The following MCMDC2 variants were observed in gnomAD, a reference collection of about 807,000 sequenced individuals.
The protein encoded by MCMDC2 is minichromosome maintenance domain-containing protein 2.
Under a neutral mutation model 75.8 loss-of-function variants are expected in MCMDC2, and 54 were observed. The ratio of observed to expected loss-of-function variants is 0.71; its 90% CI spans 0.57 to 0.89. The LOEUF (loss-of-function observed/expected upper bound fraction) is 0.89, where lower values mean the gene tolerates loss of function less well. MCMDC2 is among the 40% of genes least tolerant of loss of function. The pLI, the probability that MCMDC2 is intolerant of heterozygous loss-of-function variation, is 0.00. For missense variants in MCMDC2, 656 were observed against 780.4 expected (o/e 0.84, Z 1.90); for synonymous variants, 249 against 274.6 (o/e 0.91, Z 0.92).
intron 9 of MCMDC2, among the ~76,000 whole-genome samples, chr8:66,890,357 C>T (rs960425906): frequency 3.7e-4 from 56 of 151,256 alleles, no homozygotes; most frequent in African/African-American, 1.3e-3. Flanking sequence ...TAAGCCATTA[C>T]GCCTGGCCAC....
rs947934795 is a variant in MCMDC2 at position 66,919,160 on chromosome 8, T to C, written c.2037T>C (p.Ser679=). The C allele has an allele frequency of 6.5e-7, 1 of 1,539,186 alleles. No individual in the cohort carries two copies. Residue 679 remains serine, a synonymous_variant, in exon 15 of 15, where the codon AGT becomes AGC. Coordinates refer to ENST00000422365, the MANE Select transcript of MCMDC2 (RefSeq NM_173518.5). Reference sequence around the variant, plus strand: ...GACCTGGGACAACTATTTTCTCTAGTGATGAATAAGCAATTTGAGGAATTT... The same window carrying C: ...GACCTGGGACAACTATTTTCTCTAGCGATGAATAAGCAATTTGAGGAATTT... ...TYGPGTTIFS[S]DE is the part of the protein sequence containing the mutation.
intron 13 of MCMDC2, among the ~76,000 whole-genome samples, chr8:66,903,502 G>A (rs2130852286): frequency 6.6e-6 from 1 of 152,196 alleles, no homozygotes; most frequent in East Asian, 1.9e-4. Flanking sequence ...TATCAGTAGG[G>A]GACTGTTTAA....
At chr8:66,875,246 C>T (rs1195875619) in intron 4 of MCMDC2, among the ~76,000 whole-genome samples, 1 of 152,026 alleles carries the variant, frequency 6.6e-6, no homozygotes, top group African/African-American at 2.4e-5. Flanking sequence ...TCCCTACATA[C>T]TTTAGTATCA....
intron 5 of MCMDC2, 127 bp from the exon 6 acceptor site, chr8:66,878,447 A>G: frequency 2.3e-6 from 2 of 872,010 alleles, no homozygotes; most frequent in Non-Finnish European, 3.2e-6. Context: ...TAATAGCTAC[A>G]ATCTGTGTCA....
chr8:66,880,042 AAAATAAATTTTG>A (rs1275341242), intron 7 of MCMDC2, among the ~76,000 whole-genome samples: 2 of 152,212 alleles, frequency 1.3e-5, no homozygotes, highest in Non-Finnish European at 2.9e-5. Context: ...TATGTTTTTT[AAAATAAATTTTG>A]AACTCATCCA....
chr8:66,881,922 A>AT (rs1318819836), intron 8 of MCMDC2, among the ~76,000 whole-genome samples: 1 of 152,218 alleles, frequency 6.6e-6, no homozygotes, highest in Non-Finnish European at 1.5e-5. Context: ...ATAGAGTTGG[A>AT]TTTTTTTGTA....
At chr8:66,916,280 A>G (rs1813316470) in intron 14 of MCMDC2, among the ~76,000 whole-genome samples, 1 of 152,162 alleles carries the variant, frequency 6.6e-6, no homozygotes, top group Non-Finnish European at 1.5e-5. Flanking sequence ...GGGTACATGT[A>G]TTGGCCATTT....
chr8:66,892,097 C>G (rs1812136182), intron 10 of MCMDC2, among the ~76,000 whole-genome samples: 3 of 152,208 alleles, frequency 2.0e-5, no homozygotes, highest in Non-Finnish European at 1.5e-5. Flanking sequence ...CTGCTTCACT[C>G]CAGCCTGTGG....
chr8:66,923,963 C>G (rs966961825), downstream of MCMDC2, among the ~76,000 whole-genome samples: 4 of 152,124 alleles, frequency 2.6e-5, no homozygotes, highest in African/African-American at 9.6e-5. Context: ...GACTGATGGG[C>G]ACAAAATTCC....
At chr8:66,914,036 G>A (rs928380175) in intron 14 of MCMDC2, among the ~76,000 whole-genome samples, 5 of 151,118 alleles carry the variant, frequency 3.3e-5, no homozygotes, top group South Asian at 2.1e-4. Flanking sequence ...CCAGCACTTT[G>A]GGAGGCCAAG....
chr8:66,907,014 T>G (rs1489705046), intron 14 of MCMDC2, among the ~76,000 whole-genome samples: 6 of 152,106 alleles, frequency 3.9e-5, no homozygotes, highest in Non-Finnish European at 8.8e-5. Flanking sequence ...GTGATCTGCC[T>G]GACTTGGCCT....
At chr8:66,891,665 G>C (rs530395628) in intron 10 of MCMDC2, among the ~76,000 whole-genome samples, 1 of 152,244 alleles carries the variant, frequency 6.6e-6, no homozygotes, top group Non-Finnish European at 1.5e-5. Context: ...CCTGCCTGCT[G>C]GGCTTGTTCT....
At chr8:66,912,341 G>T (rs1039535351) in intron 14 of MCMDC2, among the ~76,000 whole-genome samples, 4 of 152,216 alleles carry the variant, frequency 2.6e-5, no homozygotes, top group African/African-American at 9.6e-5. Flanking sequence ...GCTTCTTATG[G>T]ATGTAAAGAA....
chr8:66,877,627 A>G, intron 5 of MCMDC2, 83 bp downstream of exon 5: 2 of 1,007,180 alleles, frequency 2.0e-6, no homozygotes, highest in Non-Finnish European at 2.8e-6. Flanking sequence ...CACTTTGGGA[A>G]GCTGAGGAGG....
chr8:66,887,199 A>G (rs898509060), intron 9 of MCMDC2, among the ~76,000 whole-genome samples: 5 of 152,066 alleles, frequency 3.3e-5, no homozygotes, highest in Non-Finnish European at 1.5e-5. Context: ...ATGAAATTCA[A>G]TTTATTATTT....
At chr8:66,878,748 T>A in intron 6 of MCMDC2, 52 bp downstream of exon 6, 1 of 1,456,326 alleles carries the variant, frequency 6.9e-7, no homozygotes, top group Non-Finnish European at 9.3e-7. Context: ...GTGTCTGATA[T>A]TTCAATATGG....
rs910174335 is a variant in MCMDC2 at position 66,896,944 on chromosome 8, T to C, written c.1611T>C (p.Thr537=). 6.3e-7 allele frequency: 1 copy of C among 1,599,514 alleles called. No homozygotes were observed. Among genetic ancestry groups the C allele is most frequent in the Non-Finnish European group, 8.5e-7 (1 of 1,174,296 alleles). Residue 537 remains threonine, a synonymous_variant, in exon 12 of 15, where the codon ACT becomes ACC. Transcript: ENST00000422365. ...LFYAASRQFT[T]EDFEKLLAFA... is the part of the protein sequence containing the mutation. The stretch of plus-strand genomic sequence containing the variant: ...ATGCGGCTTCTAGACAGTTCACAAC[T>C]GAAGATTTTGAAAAGGTAAAGGTGG...
At chr8:66,925,147 T>G (rs1267642950), downstream of MCMDC2, among the ~76,000 whole-genome samples, 2 of 152,220 alleles carry the variant, frequency 1.3e-5, no homozygotes, top group African/African-American at 4.8e-5. Flanking sequence ...AGGCACCTCC[T>G]TAAGTCAGAA....
intron 12 of MCMDC2, among the ~76,000 whole-genome samples, chr8:66,900,096 C>T (rs910786771): frequency 4.0e-5 from 6 of 151,494 alleles, no homozygotes; most frequent in African/African-American, 1.2e-4. Context: ...GATCGTGCCA[C>T]GGCACTCCAG....
Sources: gnomAD v4.1 joint callset for allele counts (sites outside exome capture counted in the v4.1 genomes callset) on GRCh38, gnomAD v4.1.1 for gene constraint, MANE v1.5 for transcripts, NCBI Gene and HGNC (gene_info 2026-07-23, HGNC 2026-07-21) for gene names.